Variants in PTPRO observed in about 807,000 individuals in gnomAD.
The protein encoded by PTPRO is receptor-type tyrosine-protein phosphatase O.
In PTPRO, 62 loss-of-function variants were observed where a neutral mutation model predicts 145.2. That is an observed-to-expected ratio of 0.43 (90% confidence interval 0.35 to 0.53). The LOEUF (loss-of-function observed/expected upper bound fraction) is 0.53. Among genes scored for constraint, PTPRO ranks in the 20% least tolerant of loss-of-function variants. The probability of loss-of-function intolerance (pLI) is 0.01; values close to 1 mark genes in which losing one functional copy is unlikely to be tolerated. For synonymous variants in PTPRO, 565 were observed against 514.7 expected (o/e 1.10, Z -1.32); for missense variants, 1,345 against 1,482.7 (o/e 0.91, Z 1.53).
At chr12:15,335,164 TATA>T (rs1866720963) in intron 1 of PTPRO, among the ~76,000 whole-genome samples, 1 of 152,122 alleles carries the variant, frequency 6.6e-6, no homozygotes, top group African/African-American at 2.4e-5. Context: ...GCATCACACT[TATA>T]ATAATACATA....
At chr12:15,339,828 T>G (rs1361546819) in intron 1 of PTPRO, among the ~76,000 whole-genome samples, 4 of 152,226 alleles carry the variant, frequency 2.6e-5, no homozygotes, top group African/African-American at 9.6e-5. Flanking sequence ...TTCTTCTACA[T>G]GTTTGTATTT....
chr12:15,489,014 A>T (rs1941946915), intron 2 of PTPRO, among the ~76,000 whole-genome samples: 1 of 152,036 alleles, frequency 6.6e-6, no homozygotes, highest in African/African-American at 2.4e-5. Context: ...ACATAGAGAC[A>T]CTCTACAAAT....
chr12:15,470,754 C>T (rs571706232), intron 1 of PTPRO, among the ~76,000 whole-genome samples: 1 of 152,128 alleles, frequency 6.6e-6, no homozygotes, highest in Non-Finnish European at 1.5e-5. Flanking sequence ...TAGCTATCAC[C>T]TACACTCTGG....
At chr12:15,389,852 T>C (rs79580177) in intron 1 of PTPRO, among the ~76,000 whole-genome samples, 3,107 of 152,344 alleles carry the variant, frequency 0.02, 60 homozygotes, top group South Asian at 0.035. Context: ...TATTTGATCC[T>C]TCACTTCATG....
intron 1 of PTPRO, among the ~76,000 whole-genome samples, chr12:15,342,115 C>T (rs115645664): frequency 2.6e-4 from 39 of 152,222 alleles, no homozygotes; most frequent in African/African-American, 9.1e-4. Context: ...TTAATTAACA[C>T]GGTAGTACTT....
chr12:15,393,383 A>G (rs1425912950), intron 1 of PTPRO, among the ~76,000 whole-genome samples: 4 of 152,180 alleles, frequency 2.6e-5, no homozygotes, highest in African/African-American at 9.6e-5. Flanking sequence ...AATTTACTAC[A>G]TCTTCTGGAA....
intron 2 of PTPRO, among the ~76,000 whole-genome samples, chr12:15,496,142 G>GTTTTTTTTTTTTTTTT (rs71042255): frequency 5.3e-5 from 4 of 75,366 alleles, no homozygotes; most frequent in Non-Finnish European, 7.2e-5. Context: ...TTCTTTTTTT[G>GTTTTTTTTTTTTTTTT]TTTTTTTTTT....
chr12:15,527,727 C>A (rs1417512246), intron 12 of PTPRO, among the ~76,000 whole-genome samples: 1 of 152,180 alleles, frequency 6.6e-6, no homozygotes, highest in African/African-American at 2.4e-5. Flanking sequence ...AGGCAGTGAT[C>A]TAGTGGTAAA....
chr12:15,489,992 T>C (rs1433147241), intron 2 of PTPRO, among the ~76,000 whole-genome samples: 1 of 152,198 alleles, frequency 6.6e-6, no homozygotes, highest in African/African-American at 2.4e-5. Flanking sequence ...TGGCAAGTGT[T>C]AGCTGTTCCA....
intron 1 of PTPRO, among the ~76,000 whole-genome samples, chr12:15,421,190 C>G (rs1489323156): frequency 6.6e-6 from 1 of 152,184 alleles, no homozygotes; most frequent in Non-Finnish European, 1.5e-5. Flanking sequence ...AACCACAGTT[C>G]CTTTTACATC....
In PTPRO at chr12:15,516,950, A is replaced by G. The variant is rs752707950; in HGVS notation, c.1773A>G (p.Ala591=). The change falls in exon 9 of 27, where the codon GCA becomes GCG. Residue 591 remains alanine (A), a synonymous_variant. Coordinates refer to ENST00000281171, the MANE Select transcript of PTPRO (RefSeq NM_030667.3). ...YEIAATVSLT[A]SVRIANLLPA... is the part of the protein sequence containing the mutation. ...TAGCAGCAACTGTTTCCTTAACTGC[A>G]TCCGTGGTAATCTTCCCTTAACCAA... 20 of 1,612,266 alleles carry G rather than the reference A, an allele frequency of 1.2e-5. No individual in the cohort carries two copies. Among genetic ancestry groups the G allele is most frequent in the Non-Finnish European group, 1.1e-5 (13 of 1,178,272 alleles).
chr12:15,363,377 A>C (rs1448712959), intron 1 of PTPRO, among the ~76,000 whole-genome samples: 2 of 152,180 alleles, frequency 1.3e-5, no homozygotes, highest in Non-Finnish European at 2.9e-5. Context: ...GCTACAAATT[A>C]AACATACCTC....
chr12:15,484,274 G>T (rs369835569), intron 2 of PTPRO, 27 bp downstream of exon 2: 2 of 1,611,666 alleles, frequency 1.2e-6, no homozygotes, highest in African/African-American at 2.7e-5. Context: ...ATATTGTCCC[G>T]TTTCTTCTTA....
At chr12:15,573,980 A>G (rs1339067412) in intron 19 of PTPRO, among the ~76,000 whole-genome samples, 5 of 152,252 alleles carry the variant, frequency 3.3e-5, no homozygotes, top group African/African-American at 1.2e-4. Flanking sequence ...CTTGGTCTAG[A>G]TAATTCCAGC....
At chr12:15,381,778 C>T (rs538458957) in intron 1 of PTPRO, among the ~76,000 whole-genome samples, 31 of 152,174 alleles carry the variant, frequency 2.0e-4, no homozygotes, top group South Asian at 1.5e-3. Flanking sequence ...CCCTTTTCTT[C>T]CTCTAAGTGG....
At chr12:15,512,997 G>A (rs775626908) in intron 7 of PTPRO, among the ~76,000 whole-genome samples, 1 of 149,984 alleles carries the variant, frequency 6.7e-6, no homozygotes, top group Non-Finnish European at 1.5e-5. Context: ...GCAAGACTAT[G>A]TCTCAAAAAG....
At chr12:15,568,898 T>G (rs1943970691) in intron 18 of PTPRO, among the ~76,000 whole-genome samples, 1 of 152,194 alleles carries the variant, frequency 6.6e-6, no homozygotes, top group Non-Finnish European at 1.5e-5. Context: ...GCACAATTCC[T>G]TATACTTGTA....
chr12:15,388,040 A>G (rs1939078657), intron 1 of PTPRO, among the ~76,000 whole-genome samples: 1 of 152,186 alleles, frequency 6.6e-6, no homozygotes, highest in Non-Finnish European at 1.5e-5. Context: ...CTAGTTATAA[A>G]CAATGCTCAT....
chr12:15,452,190 AG>A (rs1249476305), intron 1 of PTPRO, among the ~76,000 whole-genome samples: 2 of 152,222 alleles, frequency 1.3e-5, no homozygotes, highest in African/African-American at 4.8e-5. Flanking sequence ...GAAATACAAA[AG>A]GTCATTCAAA....
Sources: allele counts gnomAD v4.1 joint callset (sites outside exome capture counted in the v4.1 genomes callset), GRCh38; gene constraint gnomAD v4.1.1; transcripts MANE v1.5; gene names NCBI Gene and HGNC (gene_info 2026-07-23, HGNC 2026-07-21).